Variants in RALYL observed in about 807,000 individuals in gnomAD.
The protein encoded by RALYL is RNA-binding Raly-like protein.
RALYL carries 29 observed loss-of-function variants against 35.1 expected under a neutral mutation model. The observed-to-expected ratio is 0.83, with a 90% CI of 0.61 to 1.13. The LOEUF (loss-of-function observed/expected upper bound fraction) is 1.13, where lower values mean the gene tolerates loss of function less well. RALYL is among the 50% of genes most tolerant of loss of function. RALYL has a pLI of 0.00. For missense variants in RALYL, 359 were observed against 360.4 expected, an observed-to-expected ratio of 1.00 and a Z score of 0.03; for synonymous variants, 120 against 127.6, an observed-to-expected ratio of 0.94 and a Z score of 0.40.
intron 1 of RALYL, among the ~76,000 whole-genome samples, chr8:84,329,224 C>G (rs1170362432): frequency 6.6e-6 from 1 of 152,150 alleles, no homozygotes; most frequent in African/African-American, 2.4e-5. Flanking sequence ...TTCCCACCAA[C>G]AGTATGTAAG....
intron 2 of RALYL, among the ~76,000 whole-genome samples, chr8:84,760,014 A>G (rs1221870956): frequency 3.3e-5 from 5 of 152,204 alleles, no homozygotes; most frequent in African/African-American, 1.2e-4. Flanking sequence ...TGCCTATCTT[A>G]TAGGCCATTG....
intron 2 of RALYL, among the ~76,000 whole-genome samples, chr8:84,549,494 G>A (rs2060577355): frequency 6.6e-6 from 1 of 152,188 alleles, no homozygotes; most frequent in Admixed American, 6.5e-5. Flanking sequence ...GCTAGGGCTA[G>A]AAGTGGAAAA....
chr8:84,402,773 T>C (rs1448677861), intron 1 of RALYL, among the ~76,000 whole-genome samples: 3 of 152,106 alleles, frequency 2.0e-5, no homozygotes, highest in East Asian at 3.8e-4. Context: ...GTTACAGTTG[T>C]TGTAGTTTGT....
intron 2 of RALYL, among the ~76,000 whole-genome samples, chr8:84,731,530 A>C (rs2098785496): frequency 6.6e-6 from 1 of 152,146 alleles, no homozygotes; most frequent in Non-Finnish European, 1.5e-5. Flanking sequence ...CAGTGATTTT[A>C]TCTCTTAAAT....
intron 2 of RALYL, among the ~76,000 whole-genome samples, chr8:84,554,904 A>G (rs2060988852): frequency 6.6e-6 from 1 of 152,206 alleles, no homozygotes; most frequent in South Asian, 2.1e-4. Context: ...TGAGTCGCCC[A>G]TTTTTTTATT....
At chr8:84,305,746 C>A (rs981726638) in intron 1 of RALYL, among the ~76,000 whole-genome samples, 3 of 152,160 alleles carry the variant, frequency 2.0e-5, no homozygotes, top group African/African-American at 7.2e-5. Flanking sequence ...TAATAGCATT[C>A]ATCCCAGCAG....
In RALYL at chr8:84,489,023, A is replaced by G. The variant is rs1192679123; in HGVS notation, c.-23-40276A>G. Among the ~76,000 whole-genome samples the G allele has an allele frequency of 2.0e-5, 3 of 152,082 alleles. No individual in the cohort carries two copies. In the East Asian group the frequency reaches 5.8e-4, roughly 29 times the overall value. On this transcript the variant is annotated intron_variant, in intron 1 of 8. Coordinates refer to ENST00000521268, the MANE Select transcript of RALYL (RefSeq NM_173848.7). ...ATAAGCTTTATTTGCTTAATGATATAGTCACAGATATCCACGTGTATTCAC... is the reference window on the plus strand; with the variant it reads ...ATAAGCTTTATTTGCTTAATGATATGGTCACAGATATCCACGTGTATTCAC...
intron 2 of RALYL, among the ~76,000 whole-genome samples, chr8:84,636,373 A>G (rs1825057566): frequency 6.6e-6 from 1 of 151,874 alleles, no homozygotes; most frequent in Non-Finnish European, 1.5e-5. Flanking sequence ...AAGTTGCTTT[A>G]GTATCATAGA....
At chr8:84,280,446 G>A (rs938812784) in intron 1 of RALYL, among the ~76,000 whole-genome samples, 2 of 151,858 alleles carry the variant, frequency 1.3e-5, no homozygotes, top group African/African-American at 2.4e-5. Flanking sequence ...TAAATAAACA[G>A]TATGTTACCA....
chr8:84,706,309 A>G (rs1400253202), intron 2 of RALYL, among the ~76,000 whole-genome samples: 1 of 152,208 alleles, frequency 6.6e-6, no homozygotes, highest in Non-Finnish European at 1.5e-5. Flanking sequence ...GAAACAGATC[A>G]AATGCAATTT....
intron 1 of RALYL, among the ~76,000 whole-genome samples, chr8:84,247,821 G>C (rs1258232161): frequency 6.6e-6 from 1 of 152,122 alleles, no homozygotes; most frequent in African/African-American, 2.4e-5. Flanking sequence ...CAGTCTGCCA[G>C]AGTTTCAGTT....
intron 2 of RALYL, among the ~76,000 whole-genome samples, chr8:84,648,364 G>T (rs754086221): frequency 2.0e-4 from 31 of 152,110 alleles, no homozygotes; most frequent in Non-Finnish European, 4.0e-4. Flanking sequence ...AAATGAGGAA[G>T]AAAAGTTTAT....
intron 2 of RALYL, among the ~76,000 whole-genome samples, chr8:84,563,245 A>T (rs1457714804): frequency 6.6e-6 from 1 of 151,872 alleles, no homozygotes; most frequent in Non-Finnish European, 1.5e-5. Context: ...TCTACATAAG[A>T]TTCCATAGCA....
chr8:84,722,615 TTTTATATA>T lies in RALYL; in HGVS notation c.257-51962_257-51955del, dbSNP rs1341655667. Reference sequence around the variant, plus strand: ...CAAGGTCAGTATATTCCTAGAGTGATTTTATATATATATATATATATATATATATATAT... The same window carrying T: ...CAAGGTCAGTATATTCCTAGAGTGATTATATATATATATATATATATATAT... On this transcript the variant is annotated intron_variant, in intron 2 of 8. Coordinates refer to ENST00000521268, the MANE Select transcript of RALYL (RefSeq NM_173848.7). 6.3e-3 allele frequency among the ~76,000 whole-genome samples: 412 copies of T among 65,640 alleles called. 13 individuals are homozygous for T. The highest frequency in any genetic ancestry group is 0.037 in the African/African-American group (388 of 10,622). The allele number at this position is 65,640 out of a possible 152,430, so 43.1% of individuals were successfully genotyped here. A position where few individuals can be genotyped will look rare whatever the true frequency, so the allele number is the denominator to read the frequency against.
chr8:84,427,543 T>TA (rs942649558), intron 1 of RALYL, among the ~76,000 whole-genome samples: 213 of 151,696 alleles, frequency 1.4e-3, no homozygotes, highest in African/African-American at 4.9e-3. Flanking sequence ...TGTATGCATT[T>TA]AAAAAAAAAC....
chr8:84,816,022 G>A (rs1339975851), intron 4 of RALYL, among the ~76,000 whole-genome samples: 12 of 106,454 alleles, frequency 1.1e-4, no homozygotes, highest in African/African-American at 4.6e-4. Context: ...AACAGAGAGA[G>A]ACTCTGTCTC....
chr8:84,297,701 T>G (rs1400836991), intron 1 of RALYL, among the ~76,000 whole-genome samples: 1 of 152,102 alleles, frequency 6.6e-6, no homozygotes, highest in African/African-American at 2.4e-5. Context: ...TCTGCAGCCT[T>G]GCCAGCATCT....
At chr8:84,891,877 TTGAACAGCA>T (rs2135467272) in intron 8 of RALYL, among the ~76,000 whole-genome samples, 1 of 152,294 alleles carries the variant, frequency 6.6e-6, no homozygotes, top group Admixed American at 6.5e-5. Context: ...CATCATAGAT[TTGAACAGCA>T]AAGATACAAT....
At chr8:84,875,489 C>T (rs915901763) in intron 7 of RALYL, among the ~76,000 whole-genome samples, 2 of 151,926 alleles carry the variant, frequency 1.3e-5, no homozygotes, top group South Asian at 2.1e-4. Context: ...ATGTCACTTA[C>T]TTTTGAACAT....
Sources: allele counts gnomAD v4.1 joint callset (sites outside exome capture counted in the v4.1 genomes callset), GRCh38; gene constraint gnomAD v4.1.1; transcripts MANE v1.5; gene names NCBI Gene and HGNC (gene_info 2026-07-23, HGNC 2026-07-21).